ECT2L: variants seen among roughly 807,000 people sequenced by gnomAD.
ECT2L encodes epithelial cell transforming 2 like, also known as epithelial cell-transforming sequence 2 oncogene-like.
A neutral mutation model predicts 122.8 loss-of-function variants in ECT2L; 126 were observed. The observed-to-expected ratio is 1.03, with a 90% confidence interval of 0.89 to 1.19. ECT2L has a LOEUF of 1.19. ECT2L is among the 50% of genes most tolerant of loss of function. The probability of loss-of-function intolerance (pLI) is 0.00; values close to 1 mark genes in which losing one functional copy is unlikely to be tolerated. For synonymous variants in ECT2L, 385 were observed against 381.8 expected (o/e 1.01, Z -0.10); for missense variants, 1,012 against 1,064.1 (o/e 0.95, Z 0.68).
intron 1 of ECT2L, among the ~76,000 whole-genome samples, chr6:138,800,459 G>A (rs1174787611): frequency 1.3e-5 from 2 of 152,134 alleles, no homozygotes; most frequent in African/African-American, 4.8e-5. Flanking sequence ...TAACCAGAAT[G>A]CACAATAAAT....
intron 9 of ECT2L, among the ~76,000 whole-genome samples, 179 bp downstream of exon 9, chr6:138,849,613 G>A (rs578144855): frequency 1.3e-5 from 2 of 151,066 alleles, no homozygotes; most frequent in South Asian, 4.2e-4. Flanking sequence ...CTGTCACCCA[G>A]GTTGGAGTGC....
At chr6:138,880,240 T>C (rs1778597024) in intron 14 of ECT2L, among the ~76,000 whole-genome samples, 1 of 152,156 alleles carries the variant, frequency 6.6e-6, no homozygotes, top group Non-Finnish European at 1.5e-5. Flanking sequence ...AGAAATTCTT[T>C]ATGGAGGCTG....
rs1779475143 is a variant in ECT2L at position 138,903,399 on chromosome 6, G to GGA, written c.*773_*774insAG. 1 of 151,244 alleles carries GGA rather than the reference G, an allele frequency of 6.6e-6. No homozygotes were observed. The allele number at this position is 151,244 out of a possible 1,614,324, so 9.4% of individuals were successfully genotyped here. A position where few individuals can be genotyped will look rare whatever the true frequency, so the allele number is the denominator to read the frequency against. ...AAAAAAAAGGACAAGAAATACAAAT[G>GGA]GCAATTTACTCAAAAACTTGTCACA... On this transcript the variant is annotated 3_prime_UTR_variant, in exon 22 of 22. Transcript: ENST00000541398.
intron 3 of ECT2L, 61 bp downstream of exon 3, chr6:138,813,401 T>C (rs1266429177): frequency 2.1e-5 from 28 of 1,309,642 alleles, no homozygotes; most frequent in Non-Finnish European, 2.8e-5. Flanking sequence ...TCCTGTGATA[T>C]ATTGGGTCTC....
At chr6:138,844,829 C>T (rs1777167225) in intron 7 of ECT2L, among the ~76,000 whole-genome samples, 2 of 143,422 alleles carry the variant, frequency 1.4e-5, no homozygotes. Context: ...GAAGTCTTGC[C>T]ACATTGCGCA....
chr6:138,847,773 T>A (rs1449439730), intron 8 of ECT2L, among the ~76,000 whole-genome samples: 1 of 152,050 alleles, frequency 6.6e-6, no homozygotes, highest in Non-Finnish European at 1.5e-5. Context: ...ATCCTAAAAT[T>A]CCAACACTCT....
At chr6:138,834,226 A>G (rs1193757075) in intron 4 of ECT2L, among the ~76,000 whole-genome samples, 1 of 152,180 alleles carries the variant, frequency 6.6e-6, no homozygotes, top group Non-Finnish European at 1.5e-5. Flanking sequence ...GTCTCCTTAC[A>G]TGTTGTTATT....
intron 4 of ECT2L, among the ~76,000 whole-genome samples, chr6:138,815,824 A>G (rs899866105): frequency 6.6e-6 from 1 of 152,224 alleles, no homozygotes; most frequent in Non-Finnish European, 1.5e-5. Context: ...TCAAATTGGC[A>G]TATTTTAGGT....
chr6:138,880,963 A>C lies in ECT2L; in HGVS notation c.1672A>C (p.Ile558Leu), dbSNP rs375958674. The C allele has an allele frequency of 4.5e-5, 72 of 1,613,488 alleles. No individual in the cohort carries two copies. The African/African-American group carries it at 5.2e-4, about 12-fold the overall frequency. Residue 558 changes from isoleucine (I) to leucine (L), a missense_variant, in exon 15 of 22, where the codon ATA becomes CTA. Coordinates refer to ENST00000541398, the MANE Select transcript of ECT2L (RefSeq NM_001077706.3). The stretch of plus-strand genomic sequence containing the variant: ...TCTTAACACTTCTCTACAGGAGAGA[A>C]TACTCCAGAAGGACTCAGCAGAAAA... ...NFEALINLER[I>L]LQKDSAEKRA... is the part of the protein sequence containing the mutation.
intron 7 of ECT2L, among the ~76,000 whole-genome samples, chr6:138,845,197 C>A (rs1041849188): frequency 4.0e-5 from 6 of 151,884 alleles, no homozygotes; most frequent in Non-Finnish European, 8.8e-5. Context: ...ATAACCATCA[C>A]CATTGTGCAT....
At position 138,854,142 on chromosome 6, in the gene ECT2L, C is replaced by T. The variant is rs751496361; in HGVS notation, c.1186C>T (p.Leu396Phe). The change falls in exon 10 of 22, where the codon CTT becomes TTT. Residue 396 changes from leucine to phenylalanine, a missense_variant. Leu to Phe is a conservative substitution (Grantham distance 22). Transcript: ENST00000541398. Reference protein sequence around the residue: ...EGGHVDFFVPLGASEAGIEVL... With the variant: ...EGGHVDFFVPFGASEAGIEVL... ...GGGTCACGTGGACTTCTTCGTGCCCCTTGGAGCATCAGGTTAGCTCAGAAC... is the reference window on the plus strand; with the variant it reads ...GGGTCACGTGGACTTCTTCGTGCCCTTTGGAGCATCAGGTTAGCTCAGAAC... The T allele has an allele frequency of 6.8e-6, 11 of 1,613,684 alleles. No individual in the cohort carries two copies. Among genetic ancestry groups the T allele is most frequent in the Non-Finnish European group, 9.3e-6 (11 of 1,179,828 alleles).
intron 7 of ECT2L, 150 bp downstream of exon 7, chr6:138,844,730 C>T (rs1362652903): frequency 1.4e-6 from 1 of 694,106 alleles, no homozygotes; most frequent in African/African-American, 1.8e-5. Context: ...TTTTCTAGAA[C>T]AGTAGTCAAA....
At chr6:138,873,413 G>C (rs557626345) in intron 13 of ECT2L, among the ~76,000 whole-genome samples, 4 of 152,188 alleles carry the variant, frequency 2.6e-5, no homozygotes, top group Non-Finnish European at 4.4e-5. Context: ...CCTTACATTA[G>C]GGTTTATTTT....
At chr6:138,878,667 G>C (rs1213466970) in intron 14 of ECT2L, among the ~76,000 whole-genome samples, 1 of 151,746 alleles carries the variant, frequency 6.6e-6, no homozygotes, top group Non-Finnish European at 1.5e-5. Context: ...GGCTGGTCTC[G>C]AACTCCTGAG....
At chr6:138,843,544 T>C (rs1170031170) in intron 6 of ECT2L, among the ~76,000 whole-genome samples, 1 of 151,906 alleles carries the variant, frequency 6.6e-6, no homozygotes, top group Admixed American at 6.5e-5. Context: ...AACAAATAGG[T>C]TCAAAACAGA....
intron 14 of ECT2L, among the ~76,000 whole-genome samples, chr6:138,878,061 T>C (rs901269221): frequency 3.9e-5 from 6 of 152,204 alleles, no homozygotes; most frequent in Non-Finnish European, 8.8e-5. Context: ...TCACATAGCA[T>C]TACACATTTT....
chr6:138,889,022 T>G lies in ECT2L; in HGVS notation c.2405T>G (p.Phe802Cys). 2 of 1,544,508 alleles carry G rather than the reference T, an allele frequency of 1.3e-6. No individual in the cohort carries two copies. Among genetic ancestry groups the G allele is most frequent in the Non-Finnish European group, 8.8e-7 (1 of 1,139,012 alleles). The stretch of plus-strand genomic sequence containing the variant: ...CATTGCTGTGATGAAGAAATAAGTT[T>G]CTCTTTAAGGTAAACAATAGTTAAC... The part of the protein sequence containing the change: ...QLHCCDEEIS[F>C]SLRLYEHIHD... The change falls in exon 20 of 22, where the codon TTC becomes TGC. Residue 802 changes from phenylalanine (F) to cysteine (C), a missense_variant. Phe to Cys is a radical substitution (Grantham distance 205). Transcript: ENST00000541398.
At chr6:138,879,028 T>C (rs1325158343) in intron 14 of ECT2L, 8 of 162,808 alleles carry the variant, frequency 4.9e-5, no homozygotes, top group African/African-American at 1.7e-4. Flanking sequence ...TGGCGTAAAA[T>C]AGCAAGTTCT....
intron 9 of ECT2L, among the ~76,000 whole-genome samples, chr6:138,852,141 G>T (rs576232916): frequency 6.6e-6 from 1 of 152,204 alleles, no homozygotes; most frequent in South Asian, 2.1e-4. Flanking sequence ...TTAGCTGGGC[G>T]TGGTGGCACA....
Sources: allele counts gnomAD v4.1 joint callset (sites outside exome capture counted in the v4.1 genomes callset), GRCh38; gene constraint gnomAD v4.1.1; transcripts MANE v1.5; gene names NCBI Gene and HGNC (gene_info 2026-07-23, HGNC 2026-07-21).